The following DNAH12 variants were observed in gnomAD, a reference collection of about 807,000 sequenced individuals.
The protein encoded by DNAH12 is axonemal beta dynein heavy chain 12.
In DNAH12, 285 loss-of-function variants were observed where a neutral mutation model predicts 371.5. The observed-to-expected ratio is 0.77, with a 90% CI of 0.70 to 0.85. The LOEUF is 0.85. DNAH12 is among the 40% of genes least tolerant of loss of function. The probability of loss-of-function intolerance (pLI) is 0.00; values close to 1 mark genes in which losing one functional copy is unlikely to be tolerated. For synonymous variants in DNAH12, 1,200 were observed against 1,213.0 expected (o/e 0.99, Z 0.22); for missense variants, 3,611 against 3,689.4 (o/e 0.98, Z 0.55).
chr3:57,298,689 C>T (rs767427875), intron 70 of DNAH12, among the ~76,000 whole-genome samples: 4 of 152,222 alleles, frequency 2.6e-5, no homozygotes, highest in African/African-American at 4.8e-5. Context: ...TTAAATCCCA[C>T]TTAAATGCTA....
intron 57 of DNAH12, 27 bp from the exon 58 acceptor site, chr3:57,363,813 A>G (rs2153330578): frequency 6.6e-6 from 1 of 152,298 alleles, no homozygotes; most frequent in African/African-American, 2.4e-5. Flanking sequence ...ATTTAGTCCA[A>G]ATTTGTAGTA....
At chr3:57,516,727 T>G (rs1489240931) in intron 4 of DNAH12, among the ~76,000 whole-genome samples, 2 of 152,352 alleles carry the variant, frequency 1.3e-5, no homozygotes, top group African/African-American at 4.8e-5. Flanking sequence ...GTTCTTCCTT[T>G]ATACTTTTGC....
At chr3:57,459,236 A>G (rs1307014174) in intron 20 of DNAH12, among the ~76,000 whole-genome samples, 1 of 152,134 alleles carries the variant, frequency 6.6e-6, no homozygotes, top group Admixed American at 6.6e-5. Flanking sequence ...CACCTACACT[A>G]TTCATTCTCT....
chr3:57,298,023 C>G (rs1484454525), intron 70 of DNAH12, among the ~76,000 whole-genome samples: 1 of 152,228 alleles, frequency 6.6e-6, no homozygotes, highest in East Asian at 1.9e-4. Context: ...TACTTCCTTT[C>G]AGGCATCCTG....
At chr3:57,436,562 T>C (rs764864808) in intron 30 of DNAH12, among the ~76,000 whole-genome samples, 10 of 152,174 alleles carry the variant, frequency 6.6e-5, no homozygotes, top group East Asian at 1.9e-4. Flanking sequence ...TCTTTCTAGG[T>C]TGTAGGTCTC....
At chr3:57,527,418 C>T (rs1350492241) in intron 2 of DNAH12, among the ~76,000 whole-genome samples, 1 of 152,148 alleles carries the variant, frequency 6.6e-6, no homozygotes, top group Non-Finnish European at 1.5e-5. Context: ...TAATTGGCTC[C>T]TGGTTCTGCA....
At chr3:57,548,560 C>T (rs1373573541), upstream of DNAH12, among the ~76,000 whole-genome samples, 1 of 151,982 alleles carries the variant, frequency 6.6e-6, no homozygotes, top group Non-Finnish European at 1.5e-5. Flanking sequence ...TATTTCTTAG[C>T]CAGGCGTTGG....
Position 57,508,463 on chromosome 3 carries a change from A to G in DNAH12, c.620T>C (p.Ile207Thr). The change falls in exon 7 of 74, where the codon ATT becomes ACT. Residue 207 changes from isoleucine (I) to threonine (T), a missense_variant. Physicochemically the swap from Ile to Thr is moderately conservative, Grantham distance 89 (BLOSUM62 -1). Transcript: ENST00000495027. The part of the protein sequence containing the change: ...RNQIFSNLHI[I>T]HPTMKMLLDL... Reference sequence around the variant, plus strand: ...CAGTAACATTTTCATAGTTGGATGAATAATGTGCAAATTAGAGAATATTTG... The same window carrying G: ...CAGTAACATTTTCATAGTTGGATGAGTAATGTGCAAATTAGAGAATATTTG... 4.3e-6 allele frequency: 7 copies of G among 1,613,456 alleles called. No homozygotes were observed. Among genetic ancestry groups the G allele is most frequent in the Non-Finnish European group, 5.9e-6 (7 of 1,179,878 alleles).
At chr3:57,406,757 CCTT>C (rs1318478317) in intron 40 of DNAH12, among the ~76,000 whole-genome samples, 40 of 152,088 alleles carry the variant, frequency 2.6e-4, no homozygotes, top group Non-Finnish European at 4.4e-4. Context: ...CCCTCACCCC[CCTT>C]CTTCTTTATA....
chr3:57,439,951 G>C (rs555816016), intron 29 of DNAH12, among the ~76,000 whole-genome samples: 1 of 152,216 alleles, frequency 6.6e-6, no homozygotes, highest in South Asian at 2.1e-4. Context: ...AATCGTCAGA[G>C]AAATGCAAAT....
At chr3:57,483,553 G>A in intron 12 of DNAH12, 42 bp from the exon 13 acceptor site, 3 of 1,495,430 alleles carry the variant, frequency 2.0e-6, no homozygotes, top group Non-Finnish European at 2.7e-6. Flanking sequence ...GGCAATTAAT[G>A]TTATATCATA....
intron 51 of DNAH12, among the ~76,000 whole-genome samples, chr3:57,380,043 C>G (rs1023004562): frequency 1.3e-5 from 2 of 151,962 alleles, no homozygotes; most frequent in East Asian, 3.9e-4. Context: ...TCTTTCAACT[C>G]AATTATACAC....
At chr3:57,513,502 A>G (rs994391466) in intron 4 of DNAH12, among the ~76,000 whole-genome samples, 1 of 38,016 alleles carries the variant, frequency 2.6e-5, no homozygotes. Context: ...AAATTTAAAA[A>G]CTTATAATAA....
chr3:57,498,185 G>A (rs79259729), intron 11 of DNAH12: 6,824 of 267,732 alleles, frequency 0.025, 133 homozygotes, highest in Middle Eastern at 0.034. Context: ...AAGTGCAGTG[G>A]GAAAAAATAA....
At chr3:57,532,781 T>A (rs1484845239) in intron 2 of DNAH12, among the ~76,000 whole-genome samples, 1 of 152,188 alleles carries the variant, frequency 6.6e-6, no homozygotes, top group African/African-American at 2.4e-5. Context: ...CTAGGTCAGA[T>A]CTGAAGCCAG....
Position 57,309,685 on chromosome 3 carries a change from G to A in DNAH12, c.11066C>T (p.Thr3689Ile). ...GSTDQILLEI[T>I]KDILNKLPSD... ...CATTACCTTGTTGAGGATATCTTTG[G>A]TAATTTCTAACAGAATCTGATCAGT... Residue 3689 changes from threonine (T) to isoleucine (I), a missense_variant, in exon 68 of 74, where the codon ACC becomes ATC. Around this residue, in one of 3 missense-constraint regions of DNAH12, gnomAD observed 2,266 missense variants for 2,236.9 expected, o/e 1.01. Transcript: ENST00000495027. 2 of 1,520,232 alleles carry A rather than the reference G, an allele frequency of 1.3e-6. No individual in the cohort carries two copies. Among genetic ancestry groups the A allele is most frequent in the South Asian group, 1.3e-5 (1 of 77,150 alleles). 94.2% of individuals were successfully genotyped at this position (1,520,232 alleles called of 1,614,324 possible). A position where few individuals can be genotyped will look rare whatever the true frequency, so the allele number is the denominator to read the frequency against.
intron 62 of DNAH12, among the ~76,000 whole-genome samples, chr3:57,328,265 G>T (rs1402656036): frequency 2.0e-5 from 3 of 151,572 alleles, no homozygotes; most frequent in Non-Finnish European, 4.4e-5. Flanking sequence ...CCAAAAAAGA[G>T]AATTTAGACC....
At chr3:57,418,413 G>A (rs1425374936) in intron 37 of DNAH12, among the ~76,000 whole-genome samples, 1 of 141,792 alleles carries the variant, frequency 7.1e-6, no homozygotes. Flanking sequence ...AGTGGTGCAT[G>A]CTTGTAGTCC....
chr3:57,421,405 T>TAA (rs2064575523), intron 36 of DNAH12, 113 bp downstream of exon 36: 1 of 987,742 alleles, frequency 1.0e-6, no homozygotes. Context: ...GAAGGGAGCT[T>TAA]AAAAAGCTCA....
Sources: gnomAD v4.1 joint callset for allele counts (sites outside exome capture counted in the v4.1 genomes callset) on GRCh38, gnomAD v4.1.1 for gene constraint, gnomAD v4.1.1 regional missense constraint, MANE v1.5 for transcripts, NCBI Gene and HGNC (gene_info 2026-07-23, HGNC 2026-07-21) for gene names.